The following CWC15 variants were observed in gnomAD, a reference collection of about 807,000 sequenced individuals.
CWC15 encodes the protein CWC15 spliceosome associated protein.
A neutral mutation model predicts 28.4 loss-of-function variants in CWC15; 12 were observed. That is an observed-to-expected ratio of 0.42 (90% CI 0.27 to 0.69). The LOEUF (loss-of-function observed/expected upper bound fraction) is 0.69. CWC15 is among the 30% of genes least tolerant of loss of function. The pLI is 0.23. For synonymous variants in CWC15, 92 were observed against 88.4 expected (o/e 1.04, Z -0.23); for missense variants, 192 against 271.5 (o/e 0.71, Z 2.06).
chr11:94,967,974 GA>G (rs782371703), intron 5 of CWC15, among the ~76,000 whole-genome samples: 3 of 152,096 alleles, frequency 2.0e-5, no homozygotes, highest in Non-Finnish European at 2.9e-5. Context: ...TTTATGTTTG[GA>G]ATATTATTTC....
intron 5 of CWC15, among the ~76,000 whole-genome samples, chr11:94,968,780 C>T (rs1555095722): frequency 6.6e-6 from 1 of 152,196 alleles, no homozygotes; most frequent in African/African-American, 2.4e-5. Flanking sequence ...CCTGGCCCTC[C>T]TGATTCACAT....
At chr11:94,970,389 T>C (rs1857702811) in intron 4 of CWC15, 1 of 246,864 alleles carries the variant, frequency 4.1e-6, no homozygotes, top group South Asian at 1.1e-4. Context: ...TATGTATACA[T>C]AGTTAGATAT....
Position 94,971,416 on chromosome 11 carries a change from C to T in CWC15, c.203G>A (p.Arg68Lys). 1 of 1,613,108 alleles carries T rather than the reference C, an allele frequency of 6.2e-7. No individual in the cohort carries two copies. The highest frequency in any genetic ancestry group is 8.5e-7 in the Non-Finnish European group (1 of 1,179,530). ...CCTATTTTTCTCTCTTGCAGCAGCT[C>T]TCTCTCTTTCTTCCAACTCTCTCCT... Reference protein sequence around the residue: ...DFRRELEERERAAAREKNRDR... With the variant: ...DFRRELEEREKAAAREKNRDR... The change falls in exon 3 of 7, where the codon AGA becomes AAA. Residue 68 changes from arginine to lysine, a missense_variant. Transcript: ENST00000279839.
chr11:94,963,535 A>G, intron 6 of CWC15, 21 bp from the exon 7 acceptor site: 1 of 1,546,638 alleles, frequency 6.5e-7, no homozygotes, highest in Non-Finnish European at 8.7e-7. Flanking sequence ...AAAAGCAAAC[A>G]GAACGTCTGA....
intron 6 of CWC15, among the ~76,000 whole-genome samples, chr11:94,964,431 G>A (rs1173338800): frequency 6.6e-6 from 1 of 152,166 alleles, no homozygotes; most frequent in African/African-American, 2.4e-5. Flanking sequence ...AACAAGCTGA[G>A]CAGATCAATA....
intron 6 of CWC15, among the ~76,000 whole-genome samples, chr11:94,963,995 A>G (rs1231680833): frequency 2.0e-5 from 3 of 152,110 alleles, no homozygotes; most frequent in Non-Finnish European, 2.9e-5. Flanking sequence ...TAGGCCAACA[A>G]AAGGAGAAGG....
At chr11:94,970,718 T>G in intron 4 of CWC15, 1 of 455,504 alleles carries the variant, frequency 2.2e-6, no homozygotes, top group Non-Finnish European at 4.0e-6. Context: ...CAGGACATTA[T>G]TTTGGGGGAA....
At chr11:94,969,467 C>T (rs1857688197) in intron 5 of CWC15, among the ~76,000 whole-genome samples, 1 of 152,162 alleles carries the variant, frequency 6.6e-6, no homozygotes, top group African/African-American at 2.4e-5. Context: ...TCAGTTTCAC[C>T]TCTTATTATC....
intron 5 of CWC15, among the ~76,000 whole-genome samples, chr11:94,967,730 A>AAGG (rs774396707): frequency 1.3e-5 from 2 of 152,238 alleles, no homozygotes; most frequent in African/African-American, 2.4e-5. Context: ...GGAGGTGAAA[A>AAGG]GATCTAACTT....
chr11:94,973,289 G>C (rs1555096525), intron 1 of CWC15: 1 of 86,002 alleles, frequency 1.2e-5, no homozygotes, highest in Non-Finnish European at 2.9e-5. Flanking sequence ...TTCGCTTTAC[G>C]CAGTAGGCGA....
chr11:94,969,906 G>A, intron 5 of CWC15, 83 bp downstream of exon 5: 1 of 686,866 alleles, frequency 1.5e-6, no homozygotes, highest in Non-Finnish European at 2.3e-6. Context: ...TCTAATATAA[G>A]AAGATATTAC....
At chr11:94,971,525 AACACACACAC>A in intron 2 of CWC15, 38 bp from the exon 3 acceptor site, 1 of 781,028 alleles carries the variant, frequency 1.3e-6, no homozygotes, top group Non-Finnish European at 2.1e-6. Context: ...ATGTTACTTA[AACACACACAC>A]ACACACACAC....
intron 5 of CWC15, among the ~76,000 whole-genome samples, chr11:94,968,515 G>A (rs1324514069): frequency 6.6e-6 from 1 of 152,146 alleles, no homozygotes; most frequent in Non-Finnish European, 1.5e-5. Flanking sequence ...TCATCTCTAT[G>A]TGTCCAGAAC....
chr11:94,965,311 A>AGTG (rs1222339266), intron 6 of CWC15, among the ~76,000 whole-genome samples: 1 of 152,260 alleles, frequency 6.6e-6, no homozygotes, highest in Non-Finnish European at 1.5e-5. Flanking sequence ...CATATAAAAT[A>AGTG]ACAACCAATC....
rs1857589561 is a variant in CWC15, at chr11:94,963,006, G to C, written c.*379C>G. 1 of 154,214 alleles carries C rather than the reference G, an allele frequency of 6.5e-6. No individual in the cohort carries two copies. Among genetic ancestry groups the C allele is most frequent in the African/African-American group, 2.4e-5 (1 of 41,506 alleles). 9.6% of individuals were successfully genotyped at this position (154,214 alleles called of 1,614,324 possible). On this transcript the variant is annotated 3_prime_UTR_variant, in exon 7 of 7. Coordinates refer to ENST00000279839, the MANE Select transcript of CWC15 (RefSeq NM_016403.4). ...AATGTGAGAGAAACAGGGGGAAAAG[G>C]ACAAGTTAATGCACAAGCACAATAC... is the stretch of plus-strand genomic sequence containing the variant.
chr11:94,967,750 T>C (rs1555095538), intron 5 of CWC15, among the ~76,000 whole-genome samples: 1 of 152,146 alleles, frequency 6.6e-6, no homozygotes, highest in Non-Finnish European at 1.5e-5. Flanking sequence ...TGTAAGGAAA[T>C]AGGAAAATTC....
intron 5 of CWC15, among the ~76,000 whole-genome samples, chr11:94,969,646 A>C (rs1857691466): frequency 6.6e-6 from 1 of 152,212 alleles, no homozygotes; most frequent in Non-Finnish European, 1.5e-5. Flanking sequence ...GTAGACAAGC[A>C]GAGAGATAAT....
chr11:94,972,418 A>T (rs1191403765), intron 1 of CWC15, among the ~76,000 whole-genome samples: 2 of 152,182 alleles, frequency 1.3e-5, no homozygotes, highest in African/African-American at 4.8e-5. Flanking sequence ...TGTCATGAAG[A>T]TCTGAGTTTG....
chr11:94,966,961 C>T (rs775439385), intron 5 of CWC15, among the ~76,000 whole-genome samples: 3 of 152,018 alleles, frequency 2.0e-5, no homozygotes, highest in African/African-American at 7.2e-5. Flanking sequence ...GGACAAACTA[C>T]CATATACAAA....
Sources: allele counts gnomAD v4.1 joint callset (sites outside exome capture counted in the v4.1 genomes callset), GRCh38; gene constraint gnomAD v4.1.1; transcripts MANE v1.5; gene names NCBI Gene and HGNC (gene_info 2026-07-23, HGNC 2026-07-21).